DTNBP1: variants seen among roughly 807,000 people sequenced by gnomAD.
DTNBP1 encodes dystrobrevin binding protein 1.
In DTNBP1, 35 loss-of-function variants were observed where a neutral mutation model predicts 42.8. The ratio of observed to expected loss-of-function variants is 0.82; its 90% CI spans 0.63 to 1.09. The LOEUF is 1.09. Ranked by LOEUF, DTNBP1 falls within the 50% of genes least tolerant of loss-of-function variation. The pLI, the probability that DTNBP1 is intolerant of heterozygous loss-of-function variation, is 0.00. For missense variants in DTNBP1, 457 were observed against 424.2 expected, an observed-to-expected ratio of 1.08 and a Z score of -0.68; for synonymous variants, 171 against 162.2, an observed-to-expected ratio of 1.05 and a Z score of -0.41.
upstream of DTNBP1, chr6:15,663,033 C>T (rs1761749723): frequency 1.7e-5 from 16 of 933,590 alleles, no homozygotes; most frequent in East Asian, 5.3e-4. Context: ...AACCCCAGCC[C>T]CTTCCGCGTT....
intron 5 of DTNBP1, among the ~76,000 whole-genome samples, chr6:15,619,283 A>G (rs988667617): frequency 2.0e-5 from 3 of 152,232 alleles, no homozygotes; most frequent in Non-Finnish European, 2.9e-5. Flanking sequence ...GATTTATTAC[A>G]CACTGTGTAC....
chr6:15,553,942 C>T (rs1774365091), intron 7 of DTNBP1, among the ~76,000 whole-genome samples: 1 of 152,124 alleles, frequency 6.6e-6, no homozygotes, highest in Non-Finnish European at 1.5e-5. Context: ...TCTCCTGAAG[C>T]AGGACACAAG....
chr6:15,585,761 T>G, intron 7 of DTNBP1: 3 of 1,534,932 alleles, frequency 2.0e-6, no homozygotes, highest in Non-Finnish European at 2.6e-6. Flanking sequence ...GGAGATGACA[T>G]GGATGTGAGA....
At chr6:15,595,427 T>C (rs2113636473) in intron 6 of DTNBP1, among the ~76,000 whole-genome samples, 1 of 151,846 alleles carries the variant, frequency 6.6e-6, no homozygotes, top group South Asian at 2.1e-4. Context: ...ACCACATGCC[T>C]GGCTAATTTT....
intron 7 of DTNBP1, among the ~76,000 whole-genome samples, chr6:15,583,872 T>G (rs1401623756): frequency 6.6e-6 from 1 of 152,184 alleles, no homozygotes; most frequent in Non-Finnish European, 1.5e-5. Flanking sequence ...ACCCTAATCT[T>G]GATGCTCTAT....
At chr6:15,659,364 C>T (rs1761462221) in intron 1 of DTNBP1, among the ~76,000 whole-genome samples, 1 of 152,192 alleles carries the variant, frequency 6.6e-6, no homozygotes, top group Non-Finnish European at 1.5e-5. Flanking sequence ...CTGAGGCCTT[C>T]CATTCCATCC....
chr6:15,599,591 G>C (rs901430367), intron 6 of DTNBP1, among the ~76,000 whole-genome samples: 23 of 152,146 alleles, frequency 1.5e-4, no homozygotes, highest in African/African-American at 5.1e-4. Context: ...GGTCTACCTA[G>C]CTTGGGGAAA....
At chr6:15,622,436 C>T (rs1227135153) in intron 5 of DTNBP1, among the ~76,000 whole-genome samples, 1 of 152,162 alleles carries the variant, frequency 6.6e-6, no homozygotes, top group Non-Finnish European at 1.5e-5. Flanking sequence ...ATGACAAGTA[C>T]ATACGTAATG....
At chr6:15,595,888 G>C (rs1468794311) in intron 6 of DTNBP1, among the ~76,000 whole-genome samples, 2 of 152,214 alleles carry the variant, frequency 1.3e-5, no homozygotes, top group African/African-American at 4.8e-5. Flanking sequence ...AAAAGGTAGA[G>C]AGTTCTCAGT....
chr6:15,662,992 G>A lies in DTNBP1; in HGVS notation c.-123C>T, dbSNP rs1281374065. 3 of 1,389,220 alleles carry A rather than the reference G, an allele frequency of 2.2e-6. No individual in the cohort carries two copies. The highest frequency in any genetic ancestry group is 4.8e-5 in the East Asian group (2 of 41,544). 86.1% of individuals were successfully genotyped at this position (1,389,220 alleles called of 1,614,324 possible). ...GCCCCGCACTCCCACTACCGGCCCCGCCCCCGGTCTGGTCCTCGCCGCCGC... is the reference window on the plus strand; with the variant it reads ...GCCCCGCACTCCCACTACCGGCCCCACCCCCGGTCTGGTCCTCGCCGCCGC... On this transcript the variant is annotated 5_prime_UTR_variant, in exon 1 of 10. Transcript: ENST00000344537.
chr6:15,548,022 G>C, intron 7 of DTNBP1, among the ~76,000 whole-genome samples: 1 of 149,750 alleles, frequency 6.7e-6, no homozygotes, highest in Non-Finnish European at 1.5e-5. Flanking sequence ...GGCAACAAAT[G>C]CTGAAGAGAT....
At chr6:15,545,703 C>T (rs930537861) in intron 7 of DTNBP1, among the ~76,000 whole-genome samples, 16 of 152,204 alleles carry the variant, frequency 1.1e-4, no homozygotes, top group African/African-American at 3.9e-4. Context: ...ACTGGAAATG[C>T]TGTTTCCTAA....
intron 6 of DTNBP1, among the ~76,000 whole-genome samples, chr6:15,599,977 C>T (rs1265563314): frequency 6.6e-6 from 1 of 152,088 alleles, no homozygotes; most frequent in East Asian, 1.9e-4. Flanking sequence ...CAGTCATGCC[C>T]CACCACTTGA....
At chr6:15,553,426 C>T (rs1391509844) in intron 7 of DTNBP1, among the ~76,000 whole-genome samples, 1 of 151,484 alleles carries the variant, frequency 6.6e-6, no homozygotes, top group Non-Finnish European at 1.5e-5. Context: ...TAAAATGGAA[C>T]CACACAGCAT....
chr6:15,607,001 CA>C (rs1351379724), intron 6 of DTNBP1, among the ~76,000 whole-genome samples: 10 of 143,166 alleles, frequency 7.0e-5, no homozygotes, highest in African/African-American at 1.6e-4. Context: ...AATGCTGAGT[CA>C]AAAAAAAATT....
intron 7 of DTNBP1, among the ~76,000 whole-genome samples, chr6:15,588,359 G>T (rs1776162710): frequency 6.6e-6 from 1 of 152,094 alleles, no homozygotes; most frequent in African/African-American, 2.4e-5. Context: ...CTTCTACCCT[G>T]ATTGAAACCC....
intron 4 of DTNBP1, among the ~76,000 whole-genome samples, chr6:15,633,794 T>TA (rs1377812701): frequency 9.3e-5 from 14 of 150,460 alleles, no homozygotes; most frequent in South Asian, 4.2e-4. Context: ...CTATAAACAT[T>TA]AAAAAAAAAC....
chr6:15,563,624 C>T (rs1774937697), intron 7 of DTNBP1, among the ~76,000 whole-genome samples: 1 of 152,178 alleles, frequency 6.6e-6, no homozygotes, highest in Non-Finnish European at 1.5e-5. Flanking sequence ...AAAGCTGAAG[C>T]CAACCAGCTT....
At chr6:15,533,984 G>C (rs921290677) in intron 7 of DTNBP1, among the ~76,000 whole-genome samples, 1 of 152,220 alleles carries the variant, frequency 6.6e-6, no homozygotes, top group Non-Finnish European at 1.5e-5. Flanking sequence ...GGGATATTCT[G>C]ACACACGCTG....
Sources: allele counts gnomAD v4.1 joint callset (sites outside exome capture counted in the v4.1 genomes callset), GRCh38; gene constraint gnomAD v4.1.1; transcripts MANE v1.5; gene names NCBI Gene and HGNC (gene_info 2026-07-23, HGNC 2026-07-21).